ARHGAP29: variants seen among roughly 807,000 people sequenced by gnomAD.
ARHGAP29 encodes rho GTPase-activating protein 29.
A neutral mutation model predicts 122.6 loss-of-function variants in ARHGAP29; 43 were observed. The observed-to-expected ratio is 0.35, with a 90% CI of 0.27 to 0.45. ARHGAP29 has a LOEUF of 0.45. ARHGAP29 is among the 20% of genes least tolerant of loss of function. The pLI, the probability that ARHGAP29 is intolerant of heterozygous loss-of-function variation, is 1.00. For missense variants in ARHGAP29, 1,303 were observed against 1,477.2 expected, an observed-to-expected ratio of 0.88 and a Z score of 1.93; for synonymous variants, 506 against 497.1, an observed-to-expected ratio of 1.02 and a Z score of -0.24.
chr1:94,300,404 T>TAA, the ARHGAP29 span, among the ~76,000 whole-genome samples: 2 of 152,286 alleles, frequency 1.3e-5, no homozygotes, highest in South Asian at 4.1e-4. Flanking sequence ...GGTGGGTGAA[T>TAA]CACTTGTTTC....
chr1:94,292,115 A>G, the ARHGAP29 span, among the ~76,000 whole-genome samples: 1 of 152,128 alleles, frequency 6.6e-6, no homozygotes, highest in African/African-American at 2.4e-5. Flanking sequence ...TGGTCTTTTC[A>G]CATAGTCCCA....
chr1:94,181,920 T>C, intron 19 of ARHGAP29, among the ~76,000 whole-genome samples: 1 of 152,312 alleles, frequency 6.6e-6, no homozygotes, highest in Admixed American at 6.5e-5. Flanking sequence ...GTAAAATTAT[T>C]TCATTAATAA....
intron 12 of ARHGAP29, among the ~76,000 whole-genome samples, chr1:94,201,218 GA>G (rs1650822224): frequency 1.3e-5 from 2 of 152,288 alleles, no homozygotes; most frequent in Non-Finnish European, 2.9e-5. Flanking sequence ...TGGTGGCTTA[GA>G]GGCAATTTTA....
chr1:94,304,767 T>G, the ARHGAP29 span, among the ~76,000 whole-genome samples: 38 of 152,366 alleles, frequency 2.5e-4, no homozygotes, highest in South Asian at 5.6e-3. Context: ...CAAACAGTCA[T>G]GATTTGGATT....
intron 1 of ARHGAP29, among the ~76,000 whole-genome samples, chr1:94,264,589 A>G (rs928637461): frequency 1.3e-5 from 2 of 151,718 alleles, no homozygotes; most frequent in Non-Finnish European, 2.9e-5. Context: ...GTCCCATCCT[A>G]TGTTCTGCCA....
intron 1 of ARHGAP29, among the ~76,000 whole-genome samples, chr1:94,248,655 G>T (rs1028291188): frequency 2.0e-5 from 3 of 152,190 alleles, no homozygotes; most frequent in Non-Finnish European, 4.4e-5. Context: ...TTCTTCGTTA[G>T]GAGAAATATA....
In ARHGAP29 at chr1:94,174,097, G is replaced by A. The variant is rs922835276; in HGVS notation, c.3558C>T (p.Pro1186=). 1.2e-5 allele frequency: 19 copies of A among 1,614,076 alleles called. No homozygotes were observed. The highest frequency in any genetic ancestry group is 1.5e-5 in the Non-Finnish European group (18 of 1,180,052). Residue 1186 remains proline, a synonymous_variant, in exon 23 of 23, where the codon CCC becomes CCT. Coordinates refer to ENST00000260526, the MANE Select transcript of ARHGAP29 (RefSeq NM_004815.4). The part of the protein sequence containing the change: ...IRGNEEKPAS[P]SAAVPPGTDH... ...CTGTGCCAGGAGGCACTGCTGCTGA[G>A]GGTGAAGCTGGCTTCTCCTCATTCC...
At chr1:94,242,024 G>A (rs1653608035), upstream of ARHGAP29, among the ~76,000 whole-genome samples, 1 of 152,018 alleles carries the variant, frequency 6.6e-6, no homozygotes, top group Non-Finnish European at 1.5e-5. Context: ...GCCAGAATCT[G>A]TAGGACAGAG....
At chr1:94,248,731 C>G (rs1653942100) in intron 1 of ARHGAP29, among the ~76,000 whole-genome samples, 2 of 152,178 alleles carry the variant, frequency 1.3e-5, no homozygotes, top group Non-Finnish European at 2.9e-5. Context: ...AGAGACAGGG[C>G]CTTGCTCTGT....
the ARHGAP29 span, among the ~76,000 whole-genome samples, chr1:94,283,619 T>C: frequency 6.6e-6 from 1 of 152,182 alleles, no homozygotes; most frequent in Non-Finnish European, 1.5e-5. Flanking sequence ...GAAAAAGCAG[T>C]AAATTATTAT....
Position 94,209,047 on chromosome 1 carries a change from A to C in ARHGAP29, c.438-143T>G, listed in dbSNP as rs189458087. The C allele has an allele frequency of 7.1e-6, 6 of 841,044 alleles. No individual in the cohort carries two copies. In the East Asian group the frequency reaches 1.6e-4, roughly 23 times the overall value. 52.1% of individuals were successfully genotyped at this position (841,044 alleles called of 1,614,324 possible). On this transcript the variant is annotated intron_variant, in intron 4 of 22. Transcript: ENST00000260526. ...CTAGGAATCTGTTCACATAAACCAC[A>C]GTCACTTGCAAATGGATGTTGCTTC...
chr1:94,270,606 C>T (rs1319749758), intron 1 of ARHGAP29, among the ~76,000 whole-genome samples: 2 of 152,150 alleles, frequency 1.3e-5, no homozygotes, highest in East Asian at 3.9e-4. Context: ...ACCTCATGAC[C>T]ACAGCTACAC....
the ARHGAP29 span, among the ~76,000 whole-genome samples, chr1:94,295,145 G>T: frequency 6.6e-6 from 1 of 152,196 alleles, no homozygotes; most frequent in African/African-American, 2.4e-5. Context: ...TTGGAGTTAA[G>T]GCTGGAAATC....
At chr1:94,275,828 A>C (rs1359610056), upstream of ARHGAP29, among the ~76,000 whole-genome samples, 2 of 152,174 alleles carry the variant, frequency 1.3e-5, no homozygotes, top group African/African-American at 4.8e-5. Context: ...TTATGCTTTA[A>C]AAATTAGGTC....
the ARHGAP29 span, among the ~76,000 whole-genome samples, chr1:94,286,156 T>G: frequency 6.6e-6 from 1 of 152,208 alleles, no homozygotes; most frequent in East Asian, 1.9e-4. Flanking sequence ...CTTCCTGGCT[T>G]GCAGATGGCT....
upstream of ARHGAP29, chr1:94,275,077 GCTGT>G (rs1158523814): frequency 6.6e-6 from 1 of 152,158 alleles, no homozygotes; most frequent in Non-Finnish European, 1.5e-5. Flanking sequence ...CTGAAATCTG[GCTGT>G]CTATGAGCTA....
intron 12 of ARHGAP29, among the ~76,000 whole-genome samples, chr1:94,199,885 C>A (rs933437285): frequency 2.0e-5 from 3 of 152,192 alleles, no homozygotes; most frequent in African/African-American, 7.2e-5. Flanking sequence ...ACTGACCTTT[C>A]TGTGTCACTC....
At position 94,189,936 on chromosome 1, in the gene ARHGAP29, T is replaced by C. The variant is rs1650036277; in HGVS notation, c.1429A>G (p.Lys477Glu). The C allele has an allele frequency of 1.9e-6, 3 of 1,613,168 alleles. No individual in the cohort carries two copies. In the South Asian group the frequency reaches 3.3e-5, roughly 18 times the overall value. ...VKATNSTEEE[K>E]VDGNVNKHLN... is the part of the protein sequence containing the mutation. ...TACATTAATTCTCACCCATCAACTT[T>C]TTCTTCTTCAGTTGAATTTGTGGCC... The change falls in exon 13 of 23, where the codon AAA (lysine) becomes GAA (glutamate). Residue 477 changes from lysine (K) to glutamate (E), a missense_variant. Coordinates refer to ENST00000260526, the MANE Select transcript of ARHGAP29 (RefSeq NM_004815.4).
chr1:94,208,552 C>T lies in ARHGAP29; in HGVS notation c.510+280G>A, dbSNP rs532436653. On this transcript the variant is annotated intron_variant, in intron 5 of 22. Coordinates refer to ENST00000260526, the MANE Select transcript of ARHGAP29 (RefSeq NM_004815.4). The stretch of plus-strand genomic sequence containing the variant: ...TCGGCTCACTGCAACCTCCGCCTCC[C>T]GGGTTCGAGCAATTCTCCTGCCTCA... Among the ~76,000 whole-genome samples the T allele has an allele frequency of 1.9e-3, 285 of 151,174 alleles. 1 individual carries two copies. Among genetic ancestry groups the T allele is most frequent in the Non-Finnish European group, 2.7e-3 (185 of 67,710 alleles).
Sources: allele counts gnomAD v4.1 joint callset (sites outside exome capture counted in the v4.1 genomes callset), GRCh38; gene constraint gnomAD v4.1.1; transcripts MANE v1.5; gene names NCBI Gene and HGNC (gene_info 2026-07-23, HGNC 2026-07-21).